MTMR8: variants seen among roughly 807,000 people sequenced by gnomAD.
The protein encoded by MTMR8 is phosphatidylinositol-3,5-bisphosphate 3-phosphatase MTMR8.
Under a neutral mutation model 39.3 loss-of-function variants are expected in MTMR8, and 65 were observed. That is an observed-to-expected ratio of 1.65 (90% confidence interval 1.35 to 2.03). MTMR8 has a LOEUF of 2.03. Ranked by LOEUF, MTMR8 falls within the 30% of genes most tolerant of loss-of-function variation. The pLI is 0.00. For missense variants in MTMR8, 777 were observed against 538.9 expected (o/e 1.44, Z -4.37); for synonymous variants, 245 against 185.2 (o/e 1.32, Z -2.62).
intron 1 of MTMR8, among the ~76,000 whole-genome samples, chrX:64,366,033 A>C (rs12012958): frequency 0.14 from 15,443 of 111,831 alleles, 2,551 homozygotes; most frequent in African/African-American, 0.47. Flanking sequence ...ATAATGGTAA[A>C]GGGATAAATT....
chrX:64,371,046 A>G (rs1183382182), intron 1 of MTMR8, among the ~76,000 whole-genome samples: 1 of 111,584 alleles, frequency 9.0e-6, no homozygotes, highest in Non-Finnish European at 1.9e-5. Flanking sequence ...AATCCCAGCT[A>G]CTTGGGAGGC....
chrX:64,361,279 T>A (rs1183776597), intron 1 of MTMR8, among the ~76,000 whole-genome samples: 1 of 111,221 alleles, frequency 9.0e-6, no homozygotes, highest in African/African-American at 3.3e-5. Flanking sequence ...ATATAATTAA[T>A]TACTACCTTA....
At chrX:64,320,052 C>T (rs891438782) in intron 12 of MTMR8, among the ~76,000 whole-genome samples, 3 of 111,386 alleles carry the variant, frequency 2.7e-5, no homozygotes, top group Admixed American at 9.5e-5. Flanking sequence ...AATGTTCTTC[C>T]ATTTGTTTGT....
At chrX:64,377,952 T>C (rs1921802307) in intron 1 of MTMR8, among the ~76,000 whole-genome samples, 1 of 111,658 alleles carries the variant, frequency 9.0e-6, no homozygotes, top group Non-Finnish European at 1.9e-5. Flanking sequence ...GATCTCATTG[T>C]TTAAAAGTGT....
At chrX:64,364,842 G>A (rs180820825) in intron 1 of MTMR8, among the ~76,000 whole-genome samples, 21 of 111,391 alleles carry the variant, frequency 1.9e-4, no homozygotes, top group African/African-American at 6.5e-4. Flanking sequence ...CGAACCCATC[G>A]CAAGAAAGCT....
chrX:64,282,998 C>T (rs1411151290), intron 12 of MTMR8, among the ~76,000 whole-genome samples: 6 of 111,587 alleles, frequency 5.4e-5, no homozygotes, highest in Non-Finnish European at 1.1e-4. Context: ...TGGGTGCAGC[C>T]CACCGACTGA....
At chrX:64,375,596 T>A (rs1273464705) in intron 1 of MTMR8, among the ~76,000 whole-genome samples, 1 of 111,062 alleles carries the variant, frequency 9.0e-6, no homozygotes, top group African/African-American at 3.3e-5. Context: ...GATTAGCTCA[T>A]GAGGGTTCTC....
intron 1 of MTMR8, among the ~76,000 whole-genome samples, chrX:64,365,792 C>T (rs1426625736): frequency 9.0e-6 from 1 of 111,186 alleles, no homozygotes; most frequent in East Asian, 2.8e-4. Context: ...GGCTAAACAC[C>T]CCAATTAAAA....
At chrX:64,354,158 C>T (rs1923558390) in intron 4 of MTMR8, among the ~76,000 whole-genome samples, 1 of 104,801 alleles carries the variant, frequency 9.5e-6, no homozygotes, top group African/African-American at 3.5e-5. Flanking sequence ...TGATGGTTAC[C>T]AAAGGTTGGT....
At chrX:64,339,869 G>A (rs1459060586) in intron 8 of MTMR8, among the ~76,000 whole-genome samples, 2 of 110,910 alleles carry the variant, frequency 1.8e-5, no homozygotes, top group Non-Finnish European at 3.8e-5. Context: ...GTTTCAATAT[G>A]AGCTTACAGA....
In MTMR8 at chrX:64,342,126, T is replaced by C. The variant is rs1445307762; in HGVS notation, c.975+1485A>G. On this transcript the variant is annotated intron_variant, in intron 8 of 13. Coordinates refer to ENST00000374852, the MANE Select transcript of MTMR8 (RefSeq NM_017677.4). The stretch of plus-strand genomic sequence containing the variant: ...GTTTAAAGTGACATGATCAGACATG[T>C]TCAAGAAAAATAACTTTAGTAGCAA... Among the ~76,000 whole-genome samples the C allele has an allele frequency of 2.7e-5, 3 of 111,993 alleles. No individual in the cohort carries two copies. In the East Asian group the frequency reaches 8.5e-4, roughly 32 times the overall value.
intron 1 of MTMR8, among the ~76,000 whole-genome samples, chrX:64,383,490 G>T (rs1412238899): frequency 1.8e-5 from 2 of 108,656 alleles, no homozygotes; most frequent in African/African-American, 3.4e-5. Flanking sequence ...TATATAATTT[G>T]GTTCATGGTT....
chrX:64,304,862 A>T (rs1398340395), intron 12 of MTMR8, among the ~76,000 whole-genome samples: 4 of 20,290 alleles, frequency 2.0e-4, no homozygotes, highest in African/African-American at 2.2e-3. Context: ...TCAAACATTT[A>T]TATATATATA....
intron 9 of MTMR8, 29 bp from the exon 10 acceptor site, chrX:64,336,157 C>T: frequency 9.2e-7 from 1 of 1,092,277 alleles, no homozygotes; most frequent in East Asian, 3.1e-5. Context: ...AAAGTGTTTG[C>T]ATTAGGAAAA....
At chrX:64,350,120 A>AT (rs1923450440) in intron 4 of MTMR8, 50 bp from the exon 5 acceptor site, 5 of 739,921 alleles carry the variant, frequency 6.8e-6, no homozygotes, top group Non-Finnish European at 8.6e-6. Context: ...ATACATTTAT[A>AT]TATAACTGTC....
At chrX:64,315,229 C>T (rs975307602) in intron 12 of MTMR8, among the ~76,000 whole-genome samples, 1 of 112,001 alleles carries the variant, frequency 8.9e-6, no homozygotes, top group African/African-American at 3.2e-5. Context: ...TCCAGAGGCC[C>T]ATGGCAAGAG....
At chrX:64,379,762 T>G (rs1247460277) in intron 1 of MTMR8, among the ~76,000 whole-genome samples, 1 of 111,805 alleles carries the variant, frequency 8.9e-6, no homozygotes, top group Non-Finnish European at 1.9e-5. Flanking sequence ...ATGAACTTTT[T>G]GGGGGACACA....
At chrX:64,320,640 T>C (rs1397692508) in intron 12 of MTMR8, among the ~76,000 whole-genome samples, 1 of 108,971 alleles carries the variant, frequency 9.2e-6, no homozygotes, top group Non-Finnish European at 1.9e-5. Flanking sequence ...ATAAAAAGCC[T>C]GGGAAGGAAA....
intron 1 of MTMR8, among the ~76,000 whole-genome samples, chrX:64,372,930 A>G (rs934572604): frequency 8.9e-6 from 1 of 111,876 alleles, no homozygotes; most frequent in South Asian, 3.8e-4. Context: ...TCATTGTCAG[A>G]CAAATAACTC....
Sources: allele counts gnomAD v4.1 joint callset (sites outside exome capture counted in the v4.1 genomes callset), GRCh38; gene constraint gnomAD v4.1.1; transcripts MANE v1.5; gene names NCBI Gene and HGNC (gene_info 2026-07-23, HGNC 2026-07-21).